The following DPY19L2 variants were observed in gnomAD, a reference collection of about 807,000 sequenced individuals.
DPY19L2 encodes the protein dpy-19 like 2, also known as probable C-mannosyltransferase DPY19L2.
A neutral mutation model predicts 97.9 loss-of-function variants in DPY19L2; 34 were observed. The observed-to-expected ratio is 0.35, with a 90% CI of 0.26 to 0.46. The LOEUF (loss-of-function observed/expected upper bound fraction) is 0.46. Ranked by LOEUF, DPY19L2 falls within the 20% of genes least tolerant of loss-of-function variation. DPY19L2 has a pLI of 1.00. For synonymous variants in DPY19L2, 230 were observed against 307.9 expected, an observed-to-expected ratio of 0.75 and a Z score of 2.65; for missense variants, 623 against 911.4, an observed-to-expected ratio of 0.68 and a Z score of 4.07.
intron 16 of DPY19L2, among the ~76,000 whole-genome samples, chr12:63,592,028 GGGGA>G (rs1883131938): frequency 7.4e-5 from 2 of 27,020 alleles, no homozygotes; most frequent in African/African-American, 3.9e-4. Flanking sequence ...GGGGAGGGGA[GGGGA>G]GGGGAGGGGA....
chr12:63,654,148 A>T lies in DPY19L2; in HGVS notation c.589-6783T>A, dbSNP rs192911035. On this transcript the variant is annotated intron_variant, in intron 4 of 21. Coordinates refer to ENST00000324472, the MANE Select transcript of DPY19L2 (RefSeq NM_173812.5). The stretch of plus-strand genomic sequence containing the variant: ...GTTGGAACATCAAAGAGGAAGAAAT[A>T]AAAAAACATGGATAAAATAAAACAG... 3.6e-3 allele frequency among the ~76,000 whole-genome samples: 547 copies of T among 152,188 alleles called. 4 individuals are homozygous for T. The highest frequency in any genetic ancestry group is 0.012 in the African/African-American group (515 of 41,566).
intron 8 of DPY19L2, among the ~76,000 whole-genome samples, chr12:63,622,825 CTGAGGCAGGAGAATCGCT>C (rs532055570): frequency 0.013 from 2,041 of 152,170 alleles, 25 homozygotes; most frequent in Non-Finnish European, 0.021. Flanking sequence ...ACTTGGGAGG[CTGAGGCAGGAGAATCGCT>C]TGAACCCGGG....
At chr12:63,583,517 G>A (rs936884492) in intron 17 of DPY19L2, among the ~76,000 whole-genome samples, 1 of 152,212 alleles carries the variant, frequency 6.6e-6, no homozygotes, top group African/African-American at 2.4e-5. Context: ...TGCCCTAATG[G>A]ACTGTAGCTG....
In DPY19L2 at chr12:63,583,805, G is replaced by T; in HGVS notation, c.1605+7C>A. The T allele has an allele frequency of 6.2e-7, 1 of 1,610,244 alleles. No individual in the cohort carries two copies. Among genetic ancestry groups the T allele is most frequent in the Admixed American group, 1.7e-5 (1 of 59,514 alleles). The stretch of plus-strand genomic sequence containing the variant: ...AAGTCTACCAGAGATTAAAATGAAA[G>T]CTTTACCTCACTGTGTTCAAGGAGC... On this transcript the variant is annotated splice_region_variant and intron_variant, in intron 17 of 21. Coordinates refer to ENST00000324472, the MANE Select transcript of DPY19L2 (RefSeq NM_173812.5).
At chr12:63,664,309 C>T (rs1307789681) in intron 2 of DPY19L2, among the ~76,000 whole-genome samples, 2 of 151,860 alleles carry the variant, frequency 1.3e-5, no homozygotes, top group Non-Finnish European at 2.9e-5. Flanking sequence ...TGCACTCCAG[C>T]CTGGGCGACA....
chr12:63,628,877 G>T (rs1325353574), intron 6 of DPY19L2, among the ~76,000 whole-genome samples: 1 of 151,248 alleles, frequency 6.6e-6, no homozygotes, highest in Non-Finnish European at 1.5e-5. Flanking sequence ...ATTTCCAGAG[G>T]AATGATCAGG....
chr12:63,617,540 C>T lies in DPY19L2; in HGVS notation c.1132-150G>A. The T allele has an allele frequency of 1.3e-5, 7 of 555,148 alleles. No individual in the cohort carries two copies. The South Asian group carries it at 1.6e-4, about 13-fold the overall frequency. 34.4% of individuals were successfully genotyped at this position (555,148 alleles called of 1,614,324 possible). A position where few individuals can be genotyped will look rare whatever the true frequency, so the allele number is the denominator to read the frequency against. Reference sequence around the variant, plus strand: ...ATGATAACAGAATTTCAAGTCACTGCTAGATTCTAAGTATTAAAATTCAAG... The same window carrying T: ...ATGATAACAGAATTTCAAGTCACTGTTAGATTCTAAGTATTAAAATTCAAG... On this transcript the variant is annotated intron_variant, in intron 10 of 21. Coordinates refer to ENST00000324472, the MANE Select transcript of DPY19L2 (RefSeq NM_173812.5).
intron 21 of DPY19L2, among the ~76,000 whole-genome samples, chr12:63,566,774 A>T (rs1044314588): frequency 6.6e-6 from 1 of 152,088 alleles, no homozygotes; most frequent in African/African-American, 2.4e-5. Context: ...TTTTGTATGA[A>T]CACAACTTTC....
intron 6 of DPY19L2, among the ~76,000 whole-genome samples, chr12:63,630,920 A>G (rs1890507292): frequency 6.6e-6 from 1 of 152,200 alleles, no homozygotes; most frequent in African/African-American, 2.4e-5. Context: ...AACTCACTCA[A>G]AACTGCTCAA....
intron 4 of DPY19L2, among the ~76,000 whole-genome samples, chr12:63,647,613 C>T (rs1893598858): frequency 1.3e-5 from 2 of 152,066 alleles, no homozygotes; most frequent in Non-Finnish European, 2.9e-5. Flanking sequence ...GTCAAAATTC[C>T]AACACATTTT....
intron 15 of DPY19L2, among the ~76,000 whole-genome samples, chr12:63,595,665 T>A (rs542793978): frequency 1.3e-5 from 2 of 152,198 alleles, no homozygotes; most frequent in African/African-American, 4.8e-5. Context: ...CCCCCAATAA[T>A]CCAGGATTGT....
chr12:63,662,709 A>T (rs1341725954), intron 3 of DPY19L2, among the ~76,000 whole-genome samples: 5 of 152,220 alleles, frequency 3.3e-5, no homozygotes, highest in African/African-American at 1.2e-4. Context: ...TCTGTCACCA[A>T]AGTCCAGACT....
chr12:63,564,851 T>C (rs1397026345), intron 21 of DPY19L2, among the ~76,000 whole-genome samples: 1 of 108,214 alleles, frequency 9.2e-6, no homozygotes, highest in Non-Finnish European at 1.8e-5. Context: ...ACTGTAGATT[T>C]GTCTATTTTT....
chr12:63,648,297 T>C (rs1220747293), intron 4 of DPY19L2, among the ~76,000 whole-genome samples: 3 of 152,030 alleles, frequency 2.0e-5, no homozygotes, highest in Non-Finnish European at 2.9e-5. Flanking sequence ...AGATACTTTG[T>C]TCAAACAGCA....
intron 16 of DPY19L2, among the ~76,000 whole-genome samples, chr12:63,587,865 C>T (rs1210429517): frequency 1.3e-5 from 2 of 152,010 alleles, no homozygotes; most frequent in Non-Finnish European, 2.9e-5. Flanking sequence ...GCCACCGAAC[C>T]CGGCCTAAAA....
intron 7 of DPY19L2, among the ~76,000 whole-genome samples, chr12:63,625,496 A>T (rs1889379025): frequency 6.6e-6 from 1 of 152,110 alleles, no homozygotes; most frequent in South Asian, 2.1e-4. Flanking sequence ...TCTCTTTTTC[A>T]ATGCCATATC....
chr12:63,632,461 C>T (rs1041824765), intron 6 of DPY19L2, among the ~76,000 whole-genome samples: 5 of 152,132 alleles, frequency 3.3e-5, no homozygotes, highest in African/African-American at 4.8e-5. Context: ...AACTCCCATT[C>T]ACAATTGCTT....
rs566565969 is a variant in DPY19L2, at chr12:63,615,076, A to G, written c.1218+2228T>C. ...ATGTCAGAGAACTTAGTAGAAACCT[A>G]AAGAGGCTCCCCTGGTCAACAAAGA... On this transcript the variant is annotated intron_variant, in intron 11 of 21. Coordinates refer to ENST00000324472, the MANE Select transcript of DPY19L2 (RefSeq NM_173812.5). Among the ~76,000 whole-genome samples the G allele has an allele frequency of 1.2e-4, 19 of 152,236 alleles. 1 individual carries two copies. Among genetic ancestry groups the G allele is most frequent in the African/African-American group, 4.6e-4 (19 of 41,542 alleles).
At chr12:63,563,706 TTTGA>T (rs1192533662) in intron 21 of DPY19L2, among the ~76,000 whole-genome samples, 2 of 152,162 alleles carry the variant, frequency 1.3e-5, no homozygotes, top group Non-Finnish European at 2.9e-5. Flanking sequence ...CATGATAAAT[TTTGA>T]TTGGTTGTTT....
Sources: allele counts gnomAD v4.1 joint callset (sites outside exome capture counted in the v4.1 genomes callset), GRCh38; gene constraint gnomAD v4.1.1; transcripts MANE v1.5; gene names NCBI Gene and HGNC (gene_info 2026-07-23, HGNC 2026-07-21).